The following BMPR1B variants were observed in gnomAD, a reference collection of about 807,000 sequenced individuals.
BMPR1B encodes bone morphogenetic protein receptor type 1B, also known as bone morphogenetic protein receptor type-1B.
BMPR1B carries 12 observed loss-of-function variants against 59.1 expected under a neutral mutation model. The ratio of observed to expected loss-of-function variants is 0.20; its 90% CI spans 0.13 to 0.33. The LOEUF (loss-of-function observed/expected upper bound fraction) is 0.33. Ranked by LOEUF, BMPR1B falls within the 10% of genes least tolerant of loss-of-function variation. The probability of loss-of-function intolerance (pLI) is 1.00; values close to 1 mark genes in which losing one functional copy is unlikely to be tolerated. For missense variants in BMPR1B, 550 were observed against 610.9 expected, an observed-to-expected ratio of 0.90 and a Z score of 1.05; for synonymous variants, 237 against 207.3, an observed-to-expected ratio of 1.14 and a Z score of -1.23.
intron 2 of BMPR1B, among the ~76,000 whole-genome samples, chr4:94,962,716 A>T (rs1222613833): frequency 1.3e-5 from 2 of 152,086 alleles, no homozygotes; most frequent in Non-Finnish European, 1.5e-5. Flanking sequence ...CATTTTCTTT[A>T]TCCATTCATT....
chr4:94,873,517 C>T (rs1449707117), intron 1 of BMPR1B, among the ~76,000 whole-genome samples: 1 of 152,036 alleles, frequency 6.6e-6, no homozygotes, highest in African/African-American at 2.4e-5. Context: ...AGCGATTCCC[C>T]TGCCACAGCC....
chr4:94,773,613 T>G (rs1254732564), intron 1 of BMPR1B, among the ~76,000 whole-genome samples: 1 of 152,110 alleles, frequency 6.6e-6, no homozygotes, highest in Non-Finnish European at 1.5e-5. Flanking sequence ...TGAAACGATT[T>G]TGTTCAGAAG....
intron 4 of BMPR1B, among the ~76,000 whole-genome samples, chr4:95,112,597 G>A (rs145141075): frequency 0.012 from 1,766 of 152,142 alleles, 30 homozygotes; most frequent in African/African-American, 0.04. Flanking sequence ...TGGCTGTCTC[G>A]CCTCCTTTCT....
intron 2 of BMPR1B, among the ~76,000 whole-genome samples, chr4:94,935,562 C>CA (rs1388570765): frequency 6.6e-6 from 1 of 152,036 alleles, no homozygotes; most frequent in Non-Finnish European, 1.5e-5. Context: ...GATGGTTCTA[C>CA]AAAAAAATGA....
chr4:95,005,806 T>C (rs1722781242), intron 3 of BMPR1B, among the ~76,000 whole-genome samples: 2 of 152,206 alleles, frequency 1.3e-5, no homozygotes, highest in Non-Finnish European at 1.5e-5. Context: ...GTGTGCATTT[T>C]GAAGAAAATC....
chr4:94,841,782 C>T (rs1168820969), intron 1 of BMPR1B, among the ~76,000 whole-genome samples: 1 of 152,170 alleles, frequency 6.6e-6, no homozygotes, highest in Admixed American at 6.5e-5. Context: ...TTGGCTCCTC[C>T]CCCAGTAAAT....
At position 95,051,691 on chromosome 4, in the gene BMPR1B, G is replaced by A. The variant is rs1726513001; in HGVS notation, c.-17-52717G>A. 3 of 1,535,508 alleles carry A rather than the reference G, an allele frequency of 2.0e-6. No individual in the cohort carries two copies. The East Asian group carries it at 7.3e-5, about 38-fold the overall frequency. On this transcript the variant is annotated intron_variant, in intron 3 of 12. Coordinates refer to ENST00000515059, the MANE Select transcript of BMPR1B (RefSeq NM_001203.3). Reference sequence around the variant, plus strand: ...ACAGGCAGGGCACATTGACTGCTCTGCTGCTGCAATGGGTTGGCTGGAAGA... The same window carrying A: ...ACAGGCAGGGCACATTGACTGCTCTACTGCTGCAATGGGTTGGCTGGAAGA...
At chr4:94,810,303 T>C (rs1338767795) in intron 1 of BMPR1B, among the ~76,000 whole-genome samples, 1 of 152,202 alleles carries the variant, frequency 6.6e-6, no homozygotes, top group Non-Finnish European at 1.5e-5. Context: ...ATTAATCTAC[T>C]CAAAATACTA....
chr4:95,004,547 A>G (rs983381796), intron 3 of BMPR1B, among the ~76,000 whole-genome samples: 7 of 152,192 alleles, frequency 4.6e-5, no homozygotes, highest in African/African-American at 1.7e-4. Flanking sequence ...GGTGATTATT[A>G]CTGCACATTA....
intron 1 of BMPR1B, among the ~76,000 whole-genome samples, chr4:94,796,360 C>G (rs1487369081): frequency 6.6e-6 from 1 of 152,110 alleles, no homozygotes; most frequent in African/African-American, 2.4e-5. Flanking sequence ...GGGTTTAGCT[C>G]CATCTATCAA....
intron 2 of BMPR1B, among the ~76,000 whole-genome samples, chr4:94,883,939 A>G (rs1295602966): frequency 6.6e-6 from 1 of 152,146 alleles, no homozygotes; most frequent in Non-Finnish European, 1.5e-5. Context: ...TTCCACCCCT[A>G]GCTAGCCCTC....
intron 1 of BMPR1B, among the ~76,000 whole-genome samples, chr4:94,789,113 A>G (rs1722869085): frequency 6.6e-6 from 1 of 152,198 alleles, no homozygotes. Flanking sequence ...CCTGGAAGTA[A>G]GAGGAGGTTA....
intron 3 of BMPR1B, among the ~76,000 whole-genome samples, chr4:95,007,778 G>C (rs1207148951): frequency 6.6e-6 from 1 of 152,150 alleles, no homozygotes; most frequent in African/African-American, 2.4e-5. Context: ...TGCCAGAATA[G>C]TTCTAAAGCT....
chr4:94,812,664 A>G (rs1041302529), intron 1 of BMPR1B, among the ~76,000 whole-genome samples: 2 of 152,208 alleles, frequency 1.3e-5, no homozygotes, highest in Non-Finnish European at 2.9e-5. Context: ...TGAAAAGACT[A>G]GAGACGGAGG....
intron 3 of BMPR1B, among the ~76,000 whole-genome samples, chr4:95,044,871 T>TA (rs745772165): frequency 8.5e-5 from 13 of 152,256 alleles, no homozygotes; most frequent in Middle Eastern, 6.8e-3. Context: ...GCTCTATTGT[T>TA]AGTTTTTTTT....
At chr4:95,026,104 T>TTCTTTCCTTCTTTCTTTCTC in intron 3 of BMPR1B, among the ~76,000 whole-genome samples, 1 of 117,978 alleles carries the variant, frequency 8.5e-6, no homozygotes. Context: ...TTTCATTTCT[T>TTCTTTCCTTCTTTCTTTCTC]TCTTTCTTTC....
chr4:95,133,544 C>A (rs1473827050), intron 10 of BMPR1B, among the ~76,000 whole-genome samples: 1 of 152,120 alleles, frequency 6.6e-6, no homozygotes, highest in African/African-American at 2.4e-5. Flanking sequence ...AACTACTGAT[C>A]TTCACAGTTT....
At chr4:94,926,008 C>G (rs530121978) in intron 2 of BMPR1B, among the ~76,000 whole-genome samples, 2 of 146,044 alleles carry the variant, frequency 1.4e-5, no homozygotes, top group East Asian at 4.1e-4. Context: ...CTCTTTCCTC[C>G]CCTTCCCTTC....
intron 2 of BMPR1B, among the ~76,000 whole-genome samples, chr4:94,936,325 A>G (rs1729296691): frequency 6.6e-6 from 1 of 152,234 alleles, no homozygotes; most frequent in Non-Finnish European, 1.5e-5. Flanking sequence ...TTCGTGGGAC[A>G]GACAGGAGCA....
Sources: gnomAD v4.1 joint callset for allele counts (sites outside exome capture counted in the v4.1 genomes callset) on GRCh38, gnomAD v4.1.1 for gene constraint, MANE v1.5 for transcripts, NCBI Gene and HGNC (gene_info 2026-07-23, HGNC 2026-07-21) for gene names.